The following COL26A1 variants were observed in gnomAD, a reference collection of about 807,000 sequenced individuals.
COL26A1 encodes the protein collagen type XXVI alpha 1 chain, also known as collagen alpha-1(XXVI) chain.
Under a neutral mutation model 59.3 loss-of-function variants are expected in COL26A1, and 41 were observed. That is an observed-to-expected ratio of 0.69 (90% CI 0.54 to 0.90). The LOEUF (loss-of-function observed/expected upper bound fraction) is 0.90, where lower values mean the gene tolerates loss of function less well. COL26A1 is among the 40% of genes least tolerant of loss of function. The pLI is 0.00. For synonymous variants in COL26A1, 266 were observed against 256.0 expected (o/e 1.04, Z -0.37); for missense variants, 612 against 602.3 (o/e 1.02, Z -0.17).
intron 3 of COL26A1, among the ~76,000 whole-genome samples, chr7:101,494,276 G>A (rs1794533861): frequency 6.6e-6 from 1 of 151,982 alleles, no homozygotes; most frequent in Middle Eastern, 3.2e-3. Flanking sequence ...CCAGGCACTT[G>A]CCACCATGCC....
At chr7:101,378,871 T>G (rs551616808) in intron 1 of COL26A1, among the ~76,000 whole-genome samples, 1 of 152,076 alleles carries the variant, frequency 6.6e-6, no homozygotes, top group South Asian at 2.1e-4. Context: ...CAGACTTTTC[T>G]TTTCCCCGGG....
chr7:101,447,611 C>T, intron 2 of COL26A1, 73 bp from the exon 3 acceptor site: 1 of 1,051,388 alleles, frequency 9.5e-7, no homozygotes, highest in Non-Finnish European at 1.4e-6. Context: ...CAGCCTGGCC[C>T]ATCTTTGCAG....
intron 2 of COL26A1, among the ~76,000 whole-genome samples, chr7:101,425,260 C>T (rs913855590): frequency 2.7e-5 from 4 of 147,642 alleles, no homozygotes; most frequent in Non-Finnish European, 1.5e-5. Flanking sequence ...TGGCGGGTGC[C>T]TCTAATCCCA....
At chr7:101,483,250 T>A (rs1161238961) in intron 3 of COL26A1, among the ~76,000 whole-genome samples, 1 of 150,836 alleles carries the variant, frequency 6.6e-6, no homozygotes, top group Non-Finnish European at 1.5e-5. Flanking sequence ...CAGGCTAGAG[T>A]GCAGTGGCAT....
chr7:101,445,471 C>A (rs967517627), intron 2 of COL26A1, among the ~76,000 whole-genome samples: 1 of 149,144 alleles, frequency 6.7e-6, no homozygotes, highest in African/African-American at 2.5e-5. Flanking sequence ...GTGGCTCACG[C>A]CTGTAATCCC....
chr7:101,550,537 T>G (rs1374937197), intron 9 of COL26A1, among the ~76,000 whole-genome samples: 2 of 152,048 alleles, frequency 1.3e-5, no homozygotes, highest in Non-Finnish European at 2.9e-5. Flanking sequence ...ATGGAATAAG[T>G]CTGGTGAGAA....
chr7:101,551,168 C>A (rs1275315153), intron 10 of COL26A1, 25 bp downstream of exon 10: 8 of 1,498,708 alleles, frequency 5.3e-6, no homozygotes, highest in Non-Finnish European at 6.3e-6. Flanking sequence ...TGCAGATGGG[C>A]CTGGGCCACT....
intron 3 of COL26A1, among the ~76,000 whole-genome samples, chr7:101,522,616 C>A (rs554298376): frequency 7.2e-5 from 11 of 152,220 alleles, no homozygotes; most frequent in African/African-American, 2.6e-4. Flanking sequence ...ATGTTTGATG[C>A]TGAAGTTTAT....
chr7:101,523,013 G>C (rs1271069072), intron 3 of COL26A1, among the ~76,000 whole-genome samples: 1 of 151,604 alleles, frequency 6.6e-6, no homozygotes, highest in Non-Finnish European at 1.5e-5. Flanking sequence ...TCCTCTTCCA[G>C]TTGGTGATAT....
intron 2 of COL26A1, among the ~76,000 whole-genome samples, chr7:101,436,632 T>G (rs1792922457): frequency 1.3e-5 from 2 of 152,010 alleles, no homozygotes; most frequent in South Asian, 4.1e-4. Context: ...ACATCCACTT[T>G]GGAGACCAGA....
Position 101,489,853 on chromosome 7 carries a change from T to C in COL26A1, c.385+42066T>C, listed in dbSNP as rs1453930489. 1.0e-4 allele frequency among the ~76,000 whole-genome samples: 4 copies of C among 38,198 alleles called. 1 individual carries two copies. The highest frequency in any genetic ancestry group is 1.8e-4 in the Non-Finnish European group (4 of 22,378). 25.1% of individuals were successfully genotyped at this position (38,198 alleles called of 152,430 possible). On this transcript the variant is annotated intron_variant, in intron 3 of 12. Coordinates refer to ENST00000313669, the MANE Select transcript of COL26A1 (RefSeq NM_001278563.3). ...TTCTTTCTTTCTTTCTTTCTTTCTTTCTTTCTTTCTTTCTTTCTTTCTTTC... is the reference window on the plus strand; with the variant it reads ...TTCTTTCTTTCTTTCTTTCTTTCTTCCTTTCTTTCTTTCTTTCTTTCTTTC...
At chr7:101,536,196 A>G (rs892788848) in intron 4 of COL26A1, among the ~76,000 whole-genome samples, 4 of 152,214 alleles carry the variant, frequency 2.6e-5, no homozygotes, top group Non-Finnish European at 4.4e-5. Context: ...TTGTATTTTT[A>G]GTAGAGACGG....
At chr7:101,410,707 G>A (rs1256669738) in intron 1 of COL26A1, among the ~76,000 whole-genome samples, 1 of 151,870 alleles carries the variant, frequency 6.6e-6, no homozygotes, top group African/African-American at 2.4e-5. Flanking sequence ...GTGTGTGTGT[G>A]TGTGTTTTGA....
chr7:101,492,141 G>T (rs1000004368), intron 3 of COL26A1, among the ~76,000 whole-genome samples: 1 of 152,146 alleles, frequency 6.6e-6, no homozygotes, highest in African/African-American at 2.4e-5. Context: ...TTAAGAGGGT[G>T]AGAACTGAAT....
chr7:101,423,162 G>A (rs1454413273), intron 2 of COL26A1, among the ~76,000 whole-genome samples: 6 of 152,152 alleles, frequency 3.9e-5, no homozygotes, highest in African/African-American at 1.2e-4. Context: ...TTATTCAGGA[G>A]GCTGAGGCAG....
At chr7:101,523,720 A>G (rs963866917) in intron 3 of COL26A1, among the ~76,000 whole-genome samples, 4 of 152,186 alleles carry the variant, frequency 2.6e-5, no homozygotes, top group South Asian at 4.1e-4. Context: ...CTAACTTTGT[A>G]CCATCCATCT....
intron 2 of COL26A1, among the ~76,000 whole-genome samples, chr7:101,434,553 C>T (rs962361315): frequency 3.1e-5 from 4 of 130,164 alleles, no homozygotes; most frequent in Admixed American, 8.2e-5. Flanking sequence ...TGAGCCACTG[C>T]GCCTGGCCTG....
intron 3 of COL26A1, among the ~76,000 whole-genome samples, chr7:101,448,045 C>T (rs1228104720): frequency 6.6e-6 from 1 of 152,244 alleles, no homozygotes; most frequent in Non-Finnish European, 1.5e-5. Flanking sequence ...CCAAAAACAG[C>T]ACTGGTGCCA....
At chr7:101,431,843 G>T (rs1431826786) in intron 2 of COL26A1, among the ~76,000 whole-genome samples, 2 of 151,944 alleles carry the variant, frequency 1.3e-5, no homozygotes, top group Middle Eastern at 3.4e-3. Context: ...CCAGGCTGGG[G>T]TGCAATGGTG....
Sources: gnomAD v4.1 joint callset for allele counts (sites outside exome capture counted in the v4.1 genomes callset) on GRCh38, gnomAD v4.1.1 for gene constraint, MANE v1.5 for transcripts, NCBI Gene and HGNC (gene_info 2026-07-23, HGNC 2026-07-21) for gene names.